DNM1L: variants seen among roughly 807,000 people sequenced by gnomAD.
DNM1L encodes the protein dynamin-1-like protein.
DNM1L carries 33 observed loss-of-function variants against 92.8 expected under a neutral mutation model. The ratio of observed to expected loss-of-function variants is 0.36; its 90% CI spans 0.27 to 0.48. The LOEUF (loss-of-function observed/expected upper bound fraction) is 0.48. Among genes scored for constraint, DNM1L ranks in the 20% least tolerant of loss-of-function variants. The pLI is 0.99. For synonymous variants in DNM1L, 284 were observed against 305.0 expected (o/e 0.93, Z 0.72); for missense variants, 485 against 888.8 (o/e 0.55, Z 5.78).
intron 14 of DNM1L, chr12:32,737,471 A>G (rs1954972140): frequency 2.5e-6 from 1 of 394,326 alleles, no homozygotes; most frequent in South Asian, 3.0e-5. Flanking sequence ...ATGACTCAAG[A>G]TTTTATTATA....
chr12:32,739,234 C>T (rs1955114255), intron 16 of DNM1L, among the ~76,000 whole-genome samples: 3 of 152,028 alleles, frequency 2.0e-5, no homozygotes, highest in Admixed American at 2.0e-4. Context: ...CTCTATTAAA[C>T]TTATATAATC....
At chr12:32,723,720 A>T (rs1300137509) in intron 9 of DNM1L, among the ~76,000 whole-genome samples, 5 of 150,708 alleles carry the variant, frequency 3.3e-5, no homozygotes, top group South Asian at 4.2e-4. Context: ...AAAAACAGGG[A>T]TTCTATCTTT....
Position 32,742,599 on chromosome 12 carries a change from G to A in DNM1L, c.2005G>A (p.Ala669Thr). ...GGTTGTGTTTTGCAGTGTGCCAAAGGCAGTAATGCATTTTTTGGTTAATCA... is the reference window on the plus strand; with the variant it reads ...GGTTGTGTTTTGCAGTGTGCCAAAGACAGTAATGCATTTTTTGGTTAATCA... Reference protein sequence around the residue: ...RKNIQDSVPKAVMHFLVNHVK... With the variant: ...RKNIQDSVPKTVMHFLVNHVK... The change falls in exon 19 of 20, where the codon GCA (alanine) becomes ACA (threonine). Residue 669 changes from alanine to threonine, a missense_variant. By Grantham distance (58) the Ala-to-Thr change is moderately conservative. Around this residue, in one of 11 missense-constraint regions of DNM1L, gnomAD observed 133 missense variants for 210.9 expected, o/e 0.63. Coordinates refer to ENST00000549701, the MANE Select transcript of DNM1L (RefSeq NM_012062.5). 6.2e-7 allele frequency: 1 copy of A among 1,614,058 alleles called. No individual in the cohort carries two copies. Among genetic ancestry groups the A allele is most frequent in the Non-Finnish European group, 8.5e-7 (1 of 1,179,990 alleles).
At chr12:32,699,796 C>CAAAAA (rs34943495) in intron 1 of DNM1L, among the ~76,000 whole-genome samples, 12 of 73,506 alleles carry the variant, frequency 1.6e-4, no homozygotes, top group Non-Finnish European at 2.3e-4. Flanking sequence ...GACTCCATCT[C>CAAAAA]AAAAAAAAAA....
At chr12:32,692,310 G>C (rs1565492095) in intron 1 of DNM1L, among the ~76,000 whole-genome samples, 1 of 152,166 alleles carries the variant, frequency 6.6e-6, no homozygotes, top group Non-Finnish European at 1.5e-5. Context: ...AAAAGTTTTA[G>C]TTTGAATGTC....
At chr12:32,705,154 CA>C in intron 2 of DNM1L, among the ~76,000 whole-genome samples, 1 of 152,064 alleles carries the variant, frequency 6.6e-6, no homozygotes, top group Admixed American at 6.5e-5. Flanking sequence ...AGGCGTGTGC[CA>C]CTACGCCCAG....
chr12:32,710,862 A>G, intron 4 of DNM1L, 67 bp from the exon 5 acceptor site: 1 of 1,251,092 alleles, frequency 8.0e-7, no homozygotes, highest in East Asian at 2.6e-5. Flanking sequence ...ATGTCTATGT[A>G]CTTGAAATGA....
chr12:32,741,988 AAGC>A (rs1213302911), intron 18 of DNM1L, among the ~76,000 whole-genome samples: 3 of 152,194 alleles, frequency 2.0e-5, no homozygotes, highest in Non-Finnish European at 4.4e-5. Context: ...TACTGTGTTT[AAGC>A]ATTCATCAGC....
rs1565553434 is a variant in DNM1L, at chr12:32,745,061, C to G, written c.*1651C>G. ...TACTAAGGAACAACAGGCTCACCAACTGATGTCAAACATAAAAACCCCCAC... is the reference window on the plus strand; with the variant it reads ...TACTAAGGAACAACAGGCTCACCAAGTGATGTCAAACATAAAAACCCCCAC... On this transcript the variant is annotated 3_prime_UTR_variant, in exon 20 of 20. Transcript: ENST00000549701. 1 of 498,334 alleles carries G rather than the reference C, an allele frequency of 2.0e-6. No homozygotes were observed. Among genetic ancestry groups the G allele is most frequent in the Non-Finnish European group, 4.0e-6 (1 of 252,952 alleles). The allele number at this position is 498,334 out of a possible 1,614,324, so 30.9% of individuals were successfully genotyped here.
At chr12:32,739,983 C>A (rs1402956010) in intron 16 of DNM1L, 81 bp from the exon 17 acceptor site, 1 of 1,574,096 alleles carries the variant, frequency 6.4e-7, no homozygotes, top group East Asian at 2.3e-5. Context: ...TGTATATTGA[C>A]TACTGTCAAA....
rs1451665350 is a variant in DNM1L at position 32,715,022 on chromosome 12, C to T, written c.619+1651C>T. On this transcript the variant is annotated intron_variant, in intron 6 of 19. Coordinates refer to ENST00000549701, the MANE Select transcript of DNM1L (RefSeq NM_012062.5). ...AAAAAACAAACAAAAACCTGTTAAG[C>T]ATTTTATATGTATAAACTCTATTTT... 2.0e-5 allele frequency among the ~76,000 whole-genome samples: 3 copies of T among 151,830 alleles called. No homozygotes were observed. In the South Asian group the frequency reaches 6.2e-4, roughly 31 times the overall value.
intron 9 of DNM1L, chr12:32,727,615 C>T (rs1395892231): frequency 6.9e-6 from 3 of 432,212 alleles, no homozygotes; most frequent in Non-Finnish European, 1.2e-5. Context: ...GCATCTACAA[C>T]ACATAGATGC....
At chr12:32,684,626 C>T (rs1020806365) in intron 1 of DNM1L, among the ~76,000 whole-genome samples, 9 of 152,144 alleles carry the variant, frequency 5.9e-5, no homozygotes, top group African/African-American at 2.2e-4. Context: ...GCTACCGCAC[C>T]CAGCTAATTT....
intron 5 of DNM1L, 118 bp from the exon 6 acceptor site, chr12:32,713,089 CTT>C (rs1384697362): frequency 1.0e-6 from 1 of 967,724 alleles, no homozygotes. Context: ...TTAGTAATGT[CTT>C]TATTTTTATT....
At chr12:32,732,361 A>C (rs999898976) in intron 12 of DNM1L, among the ~76,000 whole-genome samples, 1 of 152,178 alleles carries the variant, frequency 6.6e-6, no homozygotes, top group Non-Finnish European at 1.5e-5. Flanking sequence ...TTTGCTTGTT[A>C]TGACCTAATA....
intron 2 of DNM1L, 41 bp downstream of exon 2, chr12:32,701,603 T>C: frequency 6.5e-7 from 1 of 1,539,262 alleles, no homozygotes; most frequent in Non-Finnish European, 9.0e-7. Flanking sequence ...CAGCTCTTCA[T>C]TTTTGATCTA....
chr12:32,736,076 T>C (rs1047856032), intron 13 of DNM1L, among the ~76,000 whole-genome samples: 1 of 147,514 alleles, frequency 6.8e-6, no homozygotes, highest in African/African-American at 2.5e-5. Flanking sequence ...TCTTTTTTTT[T>C]TTTTTTTTTT....
chr12:32,729,460 T>G (rs536431736), intron 9 of DNM1L, among the ~76,000 whole-genome samples: 35 of 152,238 alleles, frequency 2.3e-4, no homozygotes, highest in Non-Finnish European at 3.5e-4. Context: ...ATTAATTAAT[T>G]ACTTTATTAC....
At chr12:32,727,125 T>G (rs61731163) in intron 9 of DNM1L, 35 of 747,942 alleles carry the variant, frequency 4.7e-5, no homozygotes, top group Non-Finnish European at 7.4e-5. Context: ...TTCTTTCAAC[T>G]CCTCTGAAAT....
Sources: allele counts gnomAD v4.1 joint callset (sites outside exome capture counted in the v4.1 genomes callset), GRCh38; gene constraint gnomAD v4.1.1; regional missense constraint gnomAD v4.1.1; transcripts MANE v1.5; gene names NCBI Gene and HGNC (gene_info 2026-07-23, HGNC 2026-07-21).